Variants in NDUFS1 observed in about 807,000 individuals in gnomAD.
NDUFS1 encodes NADH-ubiquinone oxidoreductase 75 kDa subunit, mitochondrial.
A neutral mutation model predicts 84.4 loss-of-function variants in NDUFS1; 61 were observed. That is an observed-to-expected ratio of 0.72 (90% CI 0.59 to 0.89). The LOEUF (loss-of-function observed/expected upper bound fraction) is 0.89, where lower values mean the gene tolerates loss of function less well. Ranked by LOEUF, NDUFS1 falls within the 40% of genes least tolerant of loss-of-function variation. NDUFS1 has a pLI of 0.00. For missense variants in NDUFS1, 891 were observed against 890.0 expected (o/e 1.00, Z -0.01); for synonymous variants, 275 against 290.0 (o/e 0.95, Z 0.53).
chr2:206,148,965 A>C, intron 5 of NDUFS1, 55 bp downstream of exon 5: 1 of 1,342,740 alleles, frequency 7.4e-7, no homozygotes, highest in Non-Finnish European at 1.1e-6. Flanking sequence ...TAAATACCAA[A>C]ATGTGCAATT....
At chr2:206,158,968 G>T in intron 1 of NDUFS1, 2 of 985,390 alleles carry the variant, frequency 2.0e-6, no homozygotes, top group Non-Finnish European at 1.5e-6. Flanking sequence ...AATCTGGGGG[G>T]AAAGGCTTAG....
At chr2:206,138,666 T>G (rs1431163372) in intron 12 of NDUFS1, 52 bp from the exon 13 acceptor site, 1 of 1,573,092 alleles carries the variant, frequency 6.4e-7, no homozygotes, top group African/African-American at 1.4e-5. Flanking sequence ...AAGCAGTTAC[T>G]GGTCTCATCA....
In NDUFS1 at chr2:206,117,461, G is replaced by A. The variant is rs1690980329; in HGVS notation, c.*6724C>T. 6.6e-6 allele frequency: 1 copy of A among 152,216 alleles called. No individual in the cohort carries two copies. Among genetic ancestry groups the A allele is most frequent in the Admixed American group, 6.5e-5 (1 of 15,282 alleles). The allele number at this position is 152,216 out of a possible 1,614,324, so 9.4% of individuals were successfully genotyped here. A position where few individuals can be genotyped will look rare whatever the true frequency, so the allele number is the denominator to read the frequency against. On this transcript the variant is annotated 3_prime_UTR_variant, in exon 19 of 19. Coordinates refer to ENST00000233190, the MANE Select transcript of NDUFS1 (RefSeq NM_005006.7). ...ATTTTGTTTTTCTTTTTGAGATGGG[G>A]TCTCGCTTTGTCGCCCATGCTAGAG...
intron 12 of NDUFS1, among the ~76,000 whole-genome samples, chr2:206,141,367 C>A (rs1691940943): frequency 6.7e-6 from 1 of 148,250 alleles, no homozygotes; most frequent in Admixed American, 6.8e-5. Context: ...CCCGTCTCTA[C>A]TAAAAATACA....
At position 206,126,575 on chromosome 2, in the gene NDUFS1, G is replaced by A; in HGVS notation, c.2056C>T (p.Pro686Ser). The A allele has an allele frequency of 6.2e-7, 1 of 1,614,108 alleles. No individual in the cohort carries two copies. Among genetic ancestry groups the A allele is most frequent in the Non-Finnish European group, 8.5e-7 (1 of 1,180,016 alleles). ...NQQLLADPLV[P>S]PQLTIKDFYM... The stretch of plus-strand genomic sequence containing the variant: ...AAGTCTTTTATAGTTAGCTGAGGTG[G>A]AACAAGTGGGTCAGCAAGAAGCTGC... Residue 686 changes from proline (P) to serine (S), a missense_variant, in exon 18 of 19, where the codon CCA (proline) becomes TCA (serine). Pro to Ser is a moderately conservative substitution (Grantham distance 74). Transcript: ENST00000233190.
At position 206,120,205 on chromosome 2, in the gene NDUFS1, G is replaced by A. The variant is rs1333346405; in HGVS notation, c.*3980C>T. The A allele has an allele frequency of 2.6e-5, 4 of 152,202 alleles. No individual in the cohort carries two copies. The highest frequency in any genetic ancestry group is 4.4e-5 in the Non-Finnish European group (3 of 68,082). The allele number at this position is 152,202 out of a possible 1,614,324, so 9.4% of individuals were successfully genotyped here. On this transcript the variant is annotated 3_prime_UTR_variant, in exon 19 of 19. Transcript: ENST00000233190. ...TGTAAGCCAATTAAATCTCTCTTTT[G>A]CAAGAATTACCCAATCTCAGATATT...
intron 5 of NDUFS1, among the ~76,000 whole-genome samples, chr2:206,148,636 A>T (rs559633929): frequency 2.6e-5 from 4 of 152,294 alleles, no homozygotes; most frequent in Non-Finnish European, 5.9e-5. Flanking sequence ...AAATAAAGAA[A>T]ATTGTAACTT....
chr2:206,143,221 G>A (rs1406695783), intron 10 of NDUFS1, among the ~76,000 whole-genome samples: 2 of 152,144 alleles, frequency 1.3e-5, no homozygotes, highest in South Asian at 2.1e-4. Context: ...TCGCGCCACC[G>A]CACTCCAGCC....
intron 8 of NDUFS1, 25 bp downstream of exon 8, chr2:206,146,878 C>A: frequency 6.2e-7 from 1 of 1,605,712 alleles, no homozygotes; most frequent in Non-Finnish European, 8.5e-7. Flanking sequence ...GACAAAAAAA[C>A]AAATTGTCAT....
chr2:206,153,679 AT>A lies in NDUFS1; in HGVS notation c.-2del. On this transcript the variant is annotated splice_region_variant and 5_prime_UTR_variant, in exon 2 of 19. Transcript: ENST00000233190. ...CCTTTCTTACAGGTATCCTTAACAT[AT>A]TGCTAAAAATAAAACAAAGAATTAT... The A allele has an allele frequency of 6.9e-7, 1 of 1,450,912 alleles. No individual in the cohort carries two copies. The highest frequency in any genetic ancestry group is 9.6e-7 in the Non-Finnish European group (1 of 1,043,818). The allele number at this position is 1,450,912 out of a possible 1,614,324, so 89.9% of individuals were successfully genotyped here.
intron 4 of NDUFS1, 128 bp from the exon 5 acceptor site, chr2:206,149,224 G>T: frequency 1.4e-6 from 1 of 726,972 alleles, no homozygotes; most frequent in Non-Finnish European, 2.2e-6. Context: ...CAAAGAATAG[G>T]GTATTTTTTA....
intron 12 of NDUFS1, 101 bp from the exon 13 acceptor site, chr2:206,138,715 A>G (rs1207209135): frequency 2.2e-6 from 1 of 462,704 alleles, no homozygotes; most frequent in African/African-American, 5.8e-5. Flanking sequence ...ACAAAATGTT[A>G]AAAGCACAGA....
intron 14 of NDUFS1, among the ~76,000 whole-genome samples, chr2:206,131,024 T>C (rs1386198782): frequency 6.6e-6 from 1 of 152,210 alleles, no homozygotes; most frequent in Non-Finnish European, 1.5e-5. Flanking sequence ...ATTACTCTTA[T>C]AAGCACAAAA....
In NDUFS1 at chr2:206,146,935, G is replaced by C; in HGVS notation, c.705C>G (p.Pro235=). Residue 235 remains proline (P), a synonymous_variant, in exon 8 of 19, where the codon CCC becomes CCG. Coordinates refer to ENST00000233190, the MANE Select transcript of NDUFS1 (RefSeq NM_005006.7). ...CCCAAGGCCGGGCAGTAAAGGCATA[G>C]GGCTTAGAGGTTAGGGCACCTACAG... The part of the protein sequence containing the change: ...ICPVGALTSK[P]YAFTARPWET... 1 of 1,614,082 alleles carries C rather than the reference G, an allele frequency of 6.2e-7. No individual in the cohort carries two copies. The highest frequency in any genetic ancestry group is 2.2e-5 in the East Asian group (1 of 44,880).
chr2:206,115,290 G>A lies in NDUFS1; in HGVS notation c.*8895C>T, dbSNP rs1690914770. 6.5e-6 allele frequency: 1 copy of A among 152,692 alleles called. No individual in the cohort carries two copies. Among genetic ancestry groups the A allele is most frequent in the Admixed American group, 6.5e-5 (1 of 15,290 alleles). 9.5% of individuals were successfully genotyped at this position (152,692 alleles called of 1,614,324 possible). A position where few individuals can be genotyped will look rare whatever the true frequency, so the allele number is the denominator to read the frequency against. ...GTGTGGAATGCTATGTTTTGAATGTGTTGTCTCCACAATTCATGTGTTGGA... is the reference window on the plus strand; with the variant it reads ...GTGTGGAATGCTATGTTTTGAATGTATTGTCTCCACAATTCATGTGTTGGA... On this transcript the variant is annotated 3_prime_UTR_variant, in exon 19 of 19. Transcript: ENST00000233190.
chr2:206,147,999 C>G (rs1048342599), intron 5 of NDUFS1, among the ~76,000 whole-genome samples, 165 bp from the exon 6 acceptor site: 5 of 152,056 alleles, frequency 3.3e-5, no homozygotes, highest in Non-Finnish European at 7.4e-5. Context: ...CTCACTGCAG[C>G]CTCCTGCCTC....
intron 12 of NDUFS1, among the ~76,000 whole-genome samples, chr2:206,139,184 T>A (rs1691838805): frequency 6.6e-6 from 1 of 151,856 alleles, no homozygotes; most frequent in Non-Finnish European, 1.5e-5. Context: ...AGTTATTTAT[T>A]TATTAATTTA....
Position 206,146,902 on chromosome 2 carries a change from C to T in NDUFS1, c.737+1G>A, listed in dbSNP as rs935776676. On this transcript the variant is annotated splice_donor_variant, in intron 8 of 18. Transcript: ENST00000233190. LOFTEE classifies it high-confidence loss of function. ...ACAAATTGTCATAAAATAAAAGATA[C>T]CTTGTTTCCCAAGGCCGGGCAGTAA... 7 of 1,613,078 alleles carry T rather than the reference C, an allele frequency of 4.3e-6. No homozygotes were observed. The highest frequency in any genetic ancestry group is 1.3e-5 in the African/African-American group (1 of 74,982).
chr2:206,146,606 A>G (rs1692163091), intron 8 of NDUFS1, among the ~76,000 whole-genome samples: 1 of 152,218 alleles, frequency 6.6e-6, no homozygotes, highest in Non-Finnish European at 1.5e-5. Flanking sequence ...TTAATAAACA[A>G]CAACATGGGA....
Sources: allele counts gnomAD v4.1 joint callset (sites outside exome capture counted in the v4.1 genomes callset), GRCh38; gene constraint gnomAD v4.1.1; transcripts MANE v1.5; gene names NCBI Gene and HGNC (gene_info 2026-07-23, HGNC 2026-07-21).